Variants in SCART1 observed in about 807,000 individuals in gnomAD.
SCART1 encodes the protein scavenger receptor cysteine-rich domain-containing protein SCART1.
SCART1 carries 62 observed loss-of-function variants against 36.2 expected under a neutral mutation model. The observed-to-expected ratio is 1.71, with a 90% CI of 1.40 to 2.12. The LOEUF (loss-of-function observed/expected upper bound fraction) is 2.12. Ranked by LOEUF, SCART1 falls within the 30% of genes most tolerant of loss-of-function variation. The probability of loss-of-function intolerance (pLI) is 0.00; values close to 1 mark genes in which losing one functional copy is unlikely to be tolerated. For synonymous variants in SCART1, 487 were observed against 238.7 expected (o/e 2.04, Z -9.59); for missense variants, 1,041 against 540.5 (o/e 1.93, Z -9.18).
intron 6 of SCART1, 31 bp downstream of exon 6, chr10:133,460,201 G>T (rs961316244): frequency 6.5e-6 from 3 of 461,014 alleles, no homozygotes; most frequent in Non-Finnish European, 1.1e-5. Flanking sequence ...GAATGATCAT[G>T]CTGTTTTATT....
intron 6 of SCART1, among the ~76,000 whole-genome samples, chr10:133,462,074 C>T (rs1379651790): frequency 6.6e-6 from 1 of 152,254 alleles, no homozygotes; most frequent in Non-Finnish European, 1.5e-5. Flanking sequence ...CTGGCCCCTC[C>T]AGGCTCCTCA....
Position 133,467,472 on chromosome 10 carries a change from A to G in SCART1, c.2962+119A>G, listed in dbSNP as rs1293179725. ...CTGGCTTCAGAAGGCTGCTGACCAC[A>G]GGGCTCATGGATGCAAAGGGACTCG... is the stretch of plus-strand genomic sequence containing the variant. On this transcript the variant is annotated intron_variant, in intron 11 of 11. Coordinates refer to ENST00000640237, the Ensembl canonical transcript of SCART1. 10 of 607,442 alleles carry G rather than the reference A, an allele frequency of 1.6e-5. 1 individual carries two copies. The East Asian group carries it at 2.8e-4, about 17-fold the overall frequency. The allele number at this position is 607,442 out of a possible 1,614,324, so 37.6% of individuals were successfully genotyped here.
chr10:133,465,829 G>T, intron 9 of SCART1: 2 of 695,638 alleles, frequency 2.9e-6, no homozygotes, highest in Non-Finnish European at 2.6e-6. Context: ...GTGTCACCTG[G>T]GTGTTGGCAG....
At chr10:133,468,197 C>A (rs1464595573) in exon 12 of SCART1, 2 of 382,856 alleles carry the variant, frequency 5.2e-6, no homozygotes, top group African/African-American at 4.1e-5. Flanking sequence ...AGATTTCCCA[C>A]ACATTACAGC....
rs940029796 is a variant in SCART1, at chr10:133,465,221, C to A, written c.2345-30C>A. On this transcript the variant is annotated intron_variant, in intron 8 of 11. Coordinates refer to ENST00000640237, the Ensembl canonical transcript of SCART1. ...TGTCCTCCTTCCCATCCCGGTCCAG[C>A]CCCCGCAGTGACCGCAGCCCCTTTT... 5 of 701,368 alleles carry A rather than the reference C, an allele frequency of 7.1e-6. No homozygotes were observed. In the East Asian group the frequency reaches 8.1e-5, roughly 11 times the overall value. 43.4% of individuals were successfully genotyped at this position (701,368 alleles called of 1,614,324 possible).
chr10:133,459,112 G>C (rs1357747483), exon 5 of SCART1: 1 of 702,864 alleles, frequency 1.4e-6, no homozygotes, highest in East Asian at 2.7e-5. Context: ...CCACCCACTG[G>C]GACATAGCAG....
At chr10:133,456,004 C>T (rs1278721164) in intron 1 of SCART1, among the ~76,000 whole-genome samples, 1 of 151,970 alleles carries the variant, frequency 6.6e-6, no homozygotes, top group Non-Finnish European at 1.5e-5. Context: ...TGGGGTCCTC[C>T]AGGATGTTGG....
intron 1 of SCART1, among the ~76,000 whole-genome samples, chr10:133,455,312 A>T (rs1850595345): frequency 6.6e-6 from 1 of 152,116 alleles, no homozygotes; most frequent in Admixed American, 6.5e-5. Context: ...ATGTCCTGAG[A>T]AGAACCAGGT....
exon 5 of SCART1, chr10:133,459,100 T>C (rs1317197299): frequency 1.4e-6 from 1 of 700,960 alleles, no homozygotes; most frequent in Non-Finnish European, 2.6e-6. Context: ...CACCCCTCTG[T>C]GCCACCCACT....
chr10:133,464,689 A>T (rs2492654), exon 7 of SCART1: 1 of 700,178 alleles, frequency 1.4e-6, no homozygotes, highest in African/African-American at 1.8e-5. Flanking sequence ...CTGGGGCGCC[A>T]TGTGCAGCAA....
rs1850656830 is a variant in SCART1 at position 133,458,923 on chromosome 10, G to C, written c.980-98G>C. The stretch of plus-strand genomic sequence containing the variant: ...GCTGGTGAGACCAAGGCTGGGCTCT[G>C]TGCCCATCCCACTGGGTGTGAAGGA... On this transcript the variant is annotated intron_variant, in intron 4 of 11. Coordinates refer to ENST00000640237, the Ensembl canonical transcript of SCART1. 4.8e-6 allele frequency: 3 copies of C among 624,054 alleles called. No individual in the cohort carries two copies. In the East Asian group the frequency reaches 8.2e-5, roughly 17 times the overall value. 38.7% of individuals were successfully genotyped at this position (624,054 alleles called of 1,614,324 possible).
rs35502706 is a variant in SCART1, at chr10:133,460,754, C to CTT, written c.1969+595_1969+596dup. The stretch of plus-strand genomic sequence containing the variant: ...GGTGTACTGGAGAACTTTTTGCAGA[C>CTT]TTTTTTTTTTTTGACAAGATCTTGG... On this transcript the variant is annotated intron_variant, in intron 6 of 11. Transcript: ENST00000640237. Among the ~76,000 whole-genome samples the CTT allele has an allele frequency of 3.5e-3, 502 of 144,144 alleles. 1 individual carries two copies. The highest frequency in any genetic ancestry group is 0.012 in the African/African-American group (458 of 39,348). 94.6% of individuals were successfully genotyped at this position (144,144 alleles called of 152,430 possible). A position where few individuals can be genotyped will look rare whatever the true frequency, so the allele number is the denominator to read the frequency against.
chr10:133,469,297 T>G (rs545588584), downstream of SCART1: 8 of 152,182 alleles, frequency 5.3e-5, no homozygotes, highest in African/African-American at 1.9e-4. Flanking sequence ...GTCAGATGGA[T>G]AGATTGCAAA....
At position 133,467,904 on chromosome 10, in the gene SCART1, A is replaced by G. The variant is rs957217658; in HGVS notation, c.3020A>G (p.His1007Arg). The change falls in exon 12 of 12, where the codon CAC (histidine) becomes CGC (arginine). Residue 1007 changes from histidine to arginine, a missense_variant. Coordinates refer to ENST00000640237, the Ensembl canonical transcript of SCART1. ...CAGTCTATACGTGCGGAGGGAGGAC[A>G]CAGCAGACCTGTTTCTCAGGGATAT... 5.0e-5 allele frequency: 35 copies of G among 700,380 alleles called. No individual in the cohort carries two copies. In the East Asian group the frequency reaches 9.1e-4, roughly 18 times the overall value. 43.4% of individuals were successfully genotyped at this position (700,380 alleles called of 1,614,324 possible).
At chr10:133,457,360 T>C in exon 3 of SCART1, 1 of 699,274 alleles carries the variant, frequency 1.4e-6, no homozygotes. Flanking sequence ...GTGAATGGGG[T>C]GGACCGCCTC....
exon 2 of SCART1, chr10:133,456,392 G>A (rs752912120): frequency 2.4e-5 from 17 of 702,792 alleles, no homozygotes; most frequent in Middle Eastern, 2.3e-4. Context: ...CGGCCCTGCC[G>A]TGGGCGCCCC....
At chr10:133,455,898 G>T (rs2133549091) in intron 1 of SCART1, among the ~76,000 whole-genome samples, 1 of 152,184 alleles carries the variant, frequency 6.6e-6, no homozygotes, top group Non-Finnish European at 1.5e-5. Context: ...GGCCTCCAGT[G>T]GAAGTAGGGG....
intron 11 of SCART1, 54 bp from the exon 12 acceptor site, chr10:133,467,793 C>A: frequency 1.6e-6 from 1 of 613,192 alleles, no homozygotes; most frequent in South Asian, 1.9e-5. Flanking sequence ...CAAATGTGCT[C>A]TGGGGACAAC....
At chr10:133,458,137 GTGACCC>G in intron 3 of SCART1, 1 of 693,608 alleles carries the variant, frequency 1.4e-6, no homozygotes, top group Non-Finnish European at 2.6e-6. Context: ...CCTGCAGCAG[GTGACCC>G]TGACCCTGAC....
Sources: gnomAD v4.1 joint callset for allele counts (sites outside exome capture counted in the v4.1 genomes callset) on GRCh38, gnomAD v4.1.1 for gene constraint, MANE v1.5 for transcripts, NCBI Gene and HGNC (gene_info 2026-07-23, HGNC 2026-07-21) for gene names.